JADE3: variants seen among roughly 807,000 people sequenced by gnomAD.
JADE3 encodes protein Jade-3.
JADE3 carries 2 observed loss-of-function variants against 50.1 expected under a neutral mutation model. The observed-to-expected ratio is 0.04, with a 90% CI of 0.02 to 0.13. The LOEUF (loss-of-function observed/expected upper bound fraction) is 0.13, where lower values mean the gene tolerates loss of function less well. Ranked by LOEUF, JADE3 falls within the 10% of genes least tolerant of loss-of-function variation. The probability of loss-of-function intolerance (pLI) is 1.00; values close to 1 mark genes in which losing one functional copy is unlikely to be tolerated. For synonymous variants in JADE3, 218 were observed against 232.9 expected (o/e 0.94, Z 0.58); for missense variants, 475 against 634.4 (o/e 0.75, Z 2.70).
chrX:47,035,311 T>C (rs1177379456), intron 7 of JADE3, among the ~76,000 whole-genome samples: 2 of 111,958 alleles, frequency 1.8e-5, no homozygotes, highest in Non-Finnish European at 3.8e-5. Flanking sequence ...AGGGGAGTTA[T>C]TGTCTAATAA....
At chrX:46,972,920 G>A (rs1927532125) in intron 1 of JADE3, among the ~76,000 whole-genome samples, 1 of 112,146 alleles carries the variant, frequency 8.9e-6, no homozygotes, top group African/African-American at 3.2e-5. Context: ...TTATTCCGAA[G>A]AGAGTTGTGT....
chrX:47,007,913 A>G (rs1416420549), intron 4 of JADE3, among the ~76,000 whole-genome samples: 1 of 108,080 alleles, frequency 9.3e-6, no homozygotes, highest in African/African-American at 3.4e-5. Flanking sequence ...GGTTCCCTGA[A>G]CAAACTACCA....
At chrX:46,951,392 G>T (rs1927000093) in intron 1 of JADE3, among the ~76,000 whole-genome samples, 1 of 98,870 alleles carries the variant, frequency 1.0e-5, no homozygotes. Flanking sequence ...TTCGAGACCA[G>T]CCTGGCCAAC....
At chrX:47,025,070 T>G (rs1249605387) in intron 5 of JADE3, among the ~76,000 whole-genome samples, 156 bp downstream of exon 5, 3 of 112,094 alleles carry the variant, frequency 2.7e-5, no homozygotes, top group African/African-American at 9.7e-5. Context: ...CAGTGAGATA[T>G]TTCTTCAAAT....
intron 9 of JADE3, among the ~76,000 whole-genome samples, chrX:47,055,394 C>G (rs1929614102): frequency 9.0e-6 from 1 of 111,527 alleles, no homozygotes; most frequent in Non-Finnish European, 1.9e-5. Flanking sequence ...ATTTGGCTCA[C>G]TTTTAAAAAT....
At chrX:47,052,091 CTCAA>C (rs1245241106) in intron 8 of JADE3, among the ~76,000 whole-genome samples, 1 of 111,515 alleles carries the variant, frequency 9.0e-6, no homozygotes, top group Non-Finnish European at 1.9e-5. Flanking sequence ...GAGACCCAGT[CTCAA>C]TCAATCAGTC....
intron 1 of JADE3, among the ~76,000 whole-genome samples, chrX:46,948,658 A>G (rs782582915): frequency 4.2e-4 from 47 of 112,210 alleles, no homozygotes; most frequent in Admixed American, 3.8e-4. Context: ...TATATAGCAT[A>G]TAAGTAGAAG....
intron 7 of JADE3, among the ~76,000 whole-genome samples, chrX:47,038,185 C>G (rs923717614): frequency 1.8e-5 from 2 of 111,723 alleles, no homozygotes; most frequent in Non-Finnish European, 3.8e-5. Context: ...TTTTCTTTAT[C>G]CATTCGTCTG....
rs1351778370 is a variant in JADE3, at chrX:46,926,480, A to G, written c.-12+13761A>G. On this transcript the variant is annotated intron_variant, in intron 1 of 10. Transcript: ENST00000614628. ...AGGCTAGTCTTGAACTCCTGGGCTC[A>G]AGTGATCCTCCCACCTTGGCCTCCC... is the stretch of plus-strand genomic sequence containing the variant. 4.5e-5 allele frequency among the ~76,000 whole-genome samples: 5 copies of G among 111,686 alleles called. No individual in the cohort carries two copies. The Admixed American group carries it at 4.8e-4, about 11-fold the overall frequency.
At chrX:47,019,868 G>A (rs947052294) in intron 4 of JADE3, among the ~76,000 whole-genome samples, 3 of 112,066 alleles carry the variant, frequency 2.7e-5, no homozygotes, top group Admixed American at 9.5e-5. Flanking sequence ...GAGAGCAGAT[G>A]TGATTGTGGG....
intron 7 of JADE3, among the ~76,000 whole-genome samples, chrX:47,037,685 G>A (rs1929164636): frequency 8.9e-6 from 1 of 112,187 alleles, no homozygotes; most frequent in Middle Eastern, 4.6e-3. Context: ...TTTACGGGAT[G>A]CATGAGATTT....
At chrX:46,991,299 G>A (rs1928000575) in intron 3 of JADE3, among the ~76,000 whole-genome samples, 1 of 107,870 alleles carries the variant, frequency 9.3e-6, no homozygotes, top group East Asian at 2.9e-4. Context: ...GGTCAGGCTG[G>A]TCTTGAACTC....
intron 4 of JADE3, among the ~76,000 whole-genome samples, chrX:47,007,043 A>C (rs782587287): frequency 9.2e-6 from 1 of 109,222 alleles, no homozygotes; most frequent in Non-Finnish European, 1.9e-5. Flanking sequence ...GGCTCAAGCA[A>C]TCCTCCCACC....
At chrX:46,976,807 G>T (rs961208294) in intron 1 of JADE3, among the ~76,000 whole-genome samples, 1 of 111,289 alleles carries the variant, frequency 9.0e-6, no homozygotes, top group African/African-American at 3.3e-5. Flanking sequence ...TTCCCAAGAA[G>T]TTACTTTGAC....
chrX:46,991,360 A>G (rs1688131917), intron 3 of JADE3, among the ~76,000 whole-genome samples: 1 of 109,125 alleles, frequency 9.2e-6, no homozygotes. Flanking sequence ...CTGGGATTAC[A>G]GGTGTGAGTC....
chrX:46,998,330 C>G, intron 4 of JADE3, 53 bp downstream of exon 4: 1 of 1,089,255 alleles, frequency 9.2e-7, no homozygotes, highest in Non-Finnish European at 1.3e-6. Flanking sequence ...TCATGTTTGT[C>G]TGCTGCTTGG....
chrX:46,984,286 C>T (rs1451734977), intron 1 of JADE3, among the ~76,000 whole-genome samples: 2 of 112,079 alleles, frequency 1.8e-5, no homozygotes, highest in Non-Finnish European at 3.8e-5. Flanking sequence ...ATTTACCCTT[C>T]ACAATATAGG....
chrX:46,943,736 G>T (rs1375724581), intron 1 of JADE3, among the ~76,000 whole-genome samples: 1 of 111,735 alleles, frequency 8.9e-6, no homozygotes, highest in Non-Finnish European at 1.9e-5. Context: ...GAATGCATTA[G>T]GGAGGAGCCC....
chrX:47,005,806 G>T (rs781849231), intron 4 of JADE3, among the ~76,000 whole-genome samples: 2 of 111,431 alleles, frequency 1.8e-5, no homozygotes, highest in East Asian at 5.6e-4. Context: ...GAAGCCTAGT[G>T]GGGGGCTGAA....
Sources: gnomAD v4.1 joint callset for allele counts (sites outside exome capture counted in the v4.1 genomes callset) on GRCh38, gnomAD v4.1.1 for gene constraint, MANE v1.5 for transcripts, NCBI Gene and HGNC (gene_info 2026-07-23, HGNC 2026-07-21) for gene names.